IQCE: variants seen among roughly 807,000 people sequenced by gnomAD.
IQCE encodes IQ domain-containing protein E.
A neutral mutation model predicts 96.0 loss-of-function variants in IQCE; 115 were observed. That is an observed-to-expected ratio of 1.20 (90% CI 1.03 to 1.40). IQCE has a LOEUF of 1.40. Among genes scored for constraint, IQCE ranks in the 40% most tolerant of loss-of-function variants. The pLI is 0.00. For missense variants in IQCE, 1,041 were observed against 909.1 expected, an observed-to-expected ratio of 1.15 and a Z score of -1.87; for synonymous variants, 412 against 371.2, an observed-to-expected ratio of 1.11 and a Z score of -1.26.
In IQCE at chr7:2,611,498, A is replaced by T. The variant is rs1035190918; in HGVS notation, c.*1336A>T. On this transcript the variant is annotated 3_prime_UTR_variant, in exon 22 of 22. Coordinates refer to ENST00000402050, the MANE Select transcript of IQCE (RefSeq NM_152558.5). ...AACCCCTGGGCGCCTTTTCTGCAGCATGGCGGCCTTCTGAGTCACCTAAGC... is the reference window on the plus strand; with the variant it reads ...AACCCCTGGGCGCCTTTTCTGCAGCTTGGCGGCCTTCTGAGTCACCTAAGC... 3.3e-5 allele frequency: 5 copies of T among 152,210 alleles called. No homozygotes were observed. Among genetic ancestry groups the T allele is most frequent in the Admixed American group, 6.5e-5 (1 of 15,286 alleles). The allele number at this position is 152,210 out of a possible 1,614,324, so 9.4% of individuals were successfully genotyped here.
At chr7:2,587,747 G>A in intron 12 of IQCE, 75 bp from the exon 13 acceptor site, 8 of 1,428,818 alleles carry the variant, frequency 5.6e-6, no homozygotes, top group Non-Finnish European at 7.9e-6. Context: ...GGAGCCTCAG[G>A]CCATACCTGA....
chr7:2,578,574 C>T (rs780765190), intron 8 of IQCE, 48 bp downstream of exon 8: 5 of 1,597,652 alleles, frequency 3.1e-6, no homozygotes, highest in Middle Eastern at 1.7e-4. Flanking sequence ...ACGCTAGTTA[C>T]TGGGGACAGC....
In IQCE at chr7:2,559,061, G is replaced by C. The variant is rs1780714328; in HGVS notation, c.-121G>C. 2.0e-6 allele frequency: 1 copy of C among 491,026 alleles called. No homozygotes were observed. Among genetic ancestry groups the C allele is most frequent in the Non-Finnish European group, 3.1e-6 (1 of 326,070 alleles). The allele number at this position is 491,026 out of a possible 1,614,324, so 30.4% of individuals were successfully genotyped here. ...CGGCGGCCTGGTTGCCATGGCAGCG[G>C]GGTCGCGGGCCGGCGCCAGGGAAGG... On this transcript the variant is annotated 5_prime_UTR_variant, in exon 1 of 22. Transcript: ENST00000402050.
At chr7:2,599,896 C>T (rs189024560) in intron 17 of IQCE, among the ~76,000 whole-genome samples, 156 of 151,966 alleles carry the variant, frequency 1.0e-3, no homozygotes, top group African/African-American at 3.6e-3. Flanking sequence ...CAGGTTCAAG[C>T]GATTCTCCTG....
chr7:2,564,328 C>G, intron 1 of IQCE, among the ~76,000 whole-genome samples: 1 of 151,632 alleles, frequency 6.6e-6, no homozygotes, highest in Non-Finnish European at 1.5e-5. Context: ...GGCACAGTGA[C>G]TCACACCTAT....
intron 16 of IQCE, among the ~76,000 whole-genome samples, chr7:2,595,455 G>T (rs1783951509): frequency 6.6e-6 from 1 of 152,214 alleles, no homozygotes; most frequent in East Asian, 1.9e-4. Context: ...ACTCAGCTGT[G>T]CACGGGTTGA....
At chr7:2,567,292 T>C in intron 2 of IQCE, 129 bp downstream of exon 2, 1 of 742,924 alleles carries the variant, frequency 1.3e-6, no homozygotes, top group Non-Finnish European at 2.3e-6. Flanking sequence ...ATATTCCGAA[T>C]GCTCCTTGGT....
intron 5 of IQCE, chr7:2,572,921 C>T (rs1015299033): frequency 1.4e-5 from 5 of 347,664 alleles, no homozygotes; most frequent in South Asian, 2.2e-5. Flanking sequence ...AACCTCCTCA[C>T]TGTACTCCAG....
At chr7:2,576,761 CAGATAA>C (rs1195532369) in intron 6 of IQCE, among the ~76,000 whole-genome samples, 3 of 152,188 alleles carry the variant, frequency 2.0e-5, no homozygotes, top group Non-Finnish European at 2.9e-5. Context: ...AATTTGTCCA[CAGATAA>C]AGATTGGGAA....
At chr7:2,566,623 G>A (rs866543789) in intron 1 of IQCE, 1 of 174,518 alleles carries the variant, frequency 5.7e-6, no homozygotes, top group South Asian at 1.2e-4. Flanking sequence ...CCACAGCCTG[G>A]CTTATTTTTT....
chr7:2,583,322 G>A (rs1484921383), intron 9 of IQCE, among the ~76,000 whole-genome samples: 3 of 152,080 alleles, frequency 2.0e-5, no homozygotes, highest in Non-Finnish European at 4.4e-5. Context: ...AGGCCTTTCC[G>A]CACCATTAAT....
intron 16 of IQCE, among the ~76,000 whole-genome samples, chr7:2,595,425 C>T (rs2128463750): frequency 6.6e-6 from 1 of 152,306 alleles, no homozygotes; most frequent in South Asian, 2.1e-4. Context: ...GGTGGGGCTT[C>T]CTGTGCCCTC....
At chr7:2,592,943 A>C in intron 14 of IQCE, 79 bp from the exon 15 acceptor site, 1 of 1,478,386 alleles carries the variant, frequency 6.8e-7, no homozygotes, top group Non-Finnish European at 9.2e-7. Context: ...GAGCACTGTC[A>C]TTTTCTGAAG....
intron 18 of IQCE, 181 bp downstream of exon 18, chr7:2,601,645 G>A (rs1343355680): frequency 1.7e-5 from 10 of 576,804 alleles, no homozygotes; most frequent in Non-Finnish European, 1.3e-5. Flanking sequence ...CGCCTCCTGG[G>A]TTCAAGCGAT....
At chr7:2,578,991 A>G (rs1023263474) in intron 8 of IQCE, among the ~76,000 whole-genome samples, 2 of 151,672 alleles carry the variant, frequency 1.3e-5, no homozygotes, top group African/African-American at 4.8e-5. Flanking sequence ...CCTGTATGGC[A>G]GAGGTTGCGG....
intron 11 of IQCE, among the ~76,000 whole-genome samples, chr7:2,585,484 C>T (rs1331844555): frequency 1.3e-5 from 2 of 152,276 alleles, no homozygotes; most frequent in Admixed American, 6.5e-5. Flanking sequence ...CGCGCATAAG[C>T]GTCTCCACGG....
rs564411081 is a variant in IQCE at position 2,585,816 on chromosome 7, C to T, written c.825-392C>T. 3.3e-5 allele frequency among the ~76,000 whole-genome samples: 5 copies of T among 152,328 alleles called. No individual in the cohort carries two copies. In the South Asian group the frequency reaches 8.3e-4, roughly 25 times the overall value. Reference sequence around the variant, plus strand: ...TTAGCAGCAAGCACATTTGCAATTACGGGACCTGCAGATAATGAGGATCGA... The same window carrying T: ...TTAGCAGCAAGCACATTTGCAATTATGGGACCTGCAGATAATGAGGATCGA... On this transcript the variant is annotated intron_variant, in intron 11 of 21. Transcript: ENST00000402050.
Position 2,589,894 on chromosome 7 carries a change from G to C in IQCE, c.1045-13G>C, listed in dbSNP as rs752247635. On this transcript the variant is annotated splice_polypyrimidine_tract_variant and intron_variant, in intron 13 of 21. Coordinates refer to ENST00000402050, the MANE Select transcript of IQCE (RefSeq NM_152558.5). ...GAGAACTAGTATCTAACACATGTCT[G>C]TGTTGCCTCCAGAAACTAAGTGTGA... 6.2e-7 allele frequency: 1 copy of C among 1,612,716 alleles called. No individual in the cohort carries two copies. Among genetic ancestry groups the C allele is most frequent in the South Asian group, 1.1e-5 (1 of 91,056 alleles).
At chr7:2,582,424 G>A (rs979826625) in intron 8 of IQCE, among the ~76,000 whole-genome samples, 156 bp from the exon 9 acceptor site, 40 of 152,268 alleles carry the variant, frequency 2.6e-4, no homozygotes, top group African/African-American at 8.4e-4. Flanking sequence ...GCACAGTGGG[G>A]CCCTCCCTCT....
Sources: gnomAD v4.1 joint callset for allele counts (sites outside exome capture counted in the v4.1 genomes callset) on GRCh38, gnomAD v4.1.1 for gene constraint, MANE v1.5 for transcripts, NCBI Gene and HGNC (gene_info 2026-07-23, HGNC 2026-07-21) for gene names.